FLRT3: variants seen among roughly 807,000 people sequenced by gnomAD.
The protein encoded by FLRT3 is fibronectin leucine rich transmembrane protein 3, also known as leucine-rich repeat transmembrane protein FLRT3.
FLRT3 carries 17 observed loss-of-function variants against 42.6 expected under a neutral mutation model. That is an observed-to-expected ratio of 0.40 (90% confidence interval 0.27 to 0.60). The LOEUF is 0.60. Among genes scored for constraint, FLRT3 ranks in the 20% least tolerant of loss-of-function variants. The pLI is 0.44. For synonymous variants in FLRT3, 279 were observed against 286.4 expected, an observed-to-expected ratio of 0.97 and a Z score of 0.26; for missense variants, 635 against 789.2, an observed-to-expected ratio of 0.80 and a Z score of 2.34.
Position 14,326,775 on chromosome 20 carries a change from A to T in FLRT3, c.732T>A (p.Leu244=), listed in dbSNP as rs201766195. Residue 244 remains leucine, a synonymous_variant, in exon 3 of 3, where the codon CTT becomes CTA. Transcript: ENST00000341420. The surrounding 1 kb of genome is among the most constrained non-coding windows in gnomAD (Gnocchi z 5.5). The part of the protein sequence containing the change: ...RNSLTAAPVN[L]PGTNLRKLYL... ...AAAGCTTCCTCAGGTTTGTGCCTGG[A>T]AGGTTTACTGGTGCAGCAGTCAGGG... 5.6e-6 allele frequency: 9 copies of T among 1,613,786 alleles called. No individual in the cohort carries two copies. In the East Asian group the frequency reaches 2.0e-4, roughly 36 times the overall value.
rs748518747 is a variant in FLRT3, at chr20:14,326,544, T to C, written c.963A>G (p.Gln321=). ...GCACGTTGACCTTCACAGGTAGTGA[T>C]TGTAACCAGTCACGTACCCATTTCA... ...CKMKWVRDWL[Q]SLPVKVNVRG... Residue 321 remains glutamine, a synonymous_variant, in exon 3 of 3, where the codon CAA becomes CAG. Transcript: ENST00000341420. The surrounding 1 kb of genome is among the most constrained non-coding windows in gnomAD (Gnocchi z 5.5). The C allele has an allele frequency of 8.1e-6, 13 of 1,613,804 alleles. No individual in the cohort carries two copies. The highest frequency in any genetic ancestry group is 7.7e-5 in the South Asian group (7 of 91,088).
At chr20:14,334,617 C>T (rs1339003356) in intron 1 of FLRT3, among the ~76,000 whole-genome samples, 1 of 148,736 alleles carries the variant, frequency 6.7e-6, no homozygotes, top group Non-Finnish European at 1.5e-5. Context: ...ACAACAAAGC[C>T]TCCCGTTGAG....
chr20:14,334,795 CT>C (rs11087087), intron 1 of FLRT3, among the ~76,000 whole-genome samples: 64,602 of 148,596 alleles, frequency 0.43, 14,856 homozygotes, highest in Non-Finnish European at 0.53. Context: ...ATTTCTAATG[CT>C]TTTTTTTTTT....
chr20:14,329,062 C>T (rs1414632357), intron 2 of FLRT3, 72 bp downstream of exon 2: 4 of 151,954 alleles, frequency 2.6e-5, no homozygotes, highest in South Asian at 2.1e-4. Flanking sequence ...CAGTTACCCC[C>T]TACCTTTATT....
At chr20:14,332,245 T>G (rs1326495166) in intron 1 of FLRT3, among the ~76,000 whole-genome samples, 1 of 152,124 alleles carries the variant, frequency 6.6e-6, no homozygotes, top group African/African-American at 2.4e-5. Context: ...GTCTGAAAGC[T>G]TCCAATTTAT....
chr20:14,330,839 G>T (rs2122605920), intron 1 of FLRT3, among the ~76,000 whole-genome samples: 1 of 152,108 alleles, frequency 6.6e-6, no homozygotes, highest in South Asian at 2.1e-4. Context: ...TTCTCAGTGT[G>T]TGAAAATGGA....
At chr20:14,335,494 A>G (rs2082919923) in intron 1 of FLRT3, among the ~76,000 whole-genome samples, 1 of 152,182 alleles carries the variant, frequency 6.6e-6, no homozygotes, top group African/African-American at 2.4e-5. Context: ...TTGCTGCCAC[A>G]TTTAGTTATG....
intron 1 of FLRT3, among the ~76,000 whole-genome samples, chr20:14,334,782 G>A (rs1295861949): frequency 7.1e-6 from 1 of 141,792 alleles, no homozygotes; most frequent in African/African-American, 2.6e-5. Context: ...GATTTAAACA[G>A]TTATTTCTAA....
In FLRT3 at chr20:14,326,806, C is replaced by T. The variant is rs751955471; in HGVS notation, c.701G>A (p.Arg234Gln). 1.3e-5 allele frequency: 21 copies of T among 1,613,616 alleles called. No homozygotes were observed. The highest frequency in any genetic ancestry group is 1.7e-5 in the Admixed American group (1 of 59,928). ...LVNLTELSLV[R>Q]NSLTAAPVNL... ...TACTGGTGCAGCAGTCAGGGAATTC[C>T]GCACCAGGGACAGCTCTGTCAAATT... is the stretch of plus-strand genomic sequence containing the variant. The change falls in exon 3 of 3, where the codon CGG (arginine) becomes CAG (glutamine). Residue 234 changes from arginine to glutamine, a missense_variant. Arg to Gln is a conservative substitution (Grantham distance 43). Coordinates refer to ENST00000341420, the MANE Select transcript of FLRT3 (RefSeq NM_198391.3). This position sits in a 1 kb window ranked among gnomAD's most constrained non-coding sequence, Gnocchi z 5.5.
At chr20:14,330,865 A>T (rs1397150991) in intron 1 of FLRT3, among the ~76,000 whole-genome samples, 1 of 152,136 alleles carries the variant, frequency 6.6e-6, no homozygotes, top group Non-Finnish European at 1.5e-5. Context: ...AAGCTGCTGA[A>T]ATTATAATTA....
At chr20:14,327,912 C>T (rs2122586696) in intron 2 of FLRT3, among the ~76,000 whole-genome samples, 1 of 152,074 alleles carries the variant, frequency 6.6e-6, no homozygotes, top group Non-Finnish European at 1.5e-5. Context: ...ATATCCATTT[C>T]TTACTTAATA....
At chr20:14,337,377 A>AT (rs73619829) in intron 1 of FLRT3, 27 bp downstream of exon 1, 59,351 of 344,790 alleles carry the variant, frequency 0.17, 6,347 homozygotes, top group South Asian at 0.26. Context: ...TGGGACAATC[A>AT]TAAGAAAAAA....
At chr20:14,330,101 C>G (rs1463431292) in intron 1 of FLRT3, among the ~76,000 whole-genome samples, 6 of 151,962 alleles carry the variant, frequency 3.9e-5, no homozygotes, top group Non-Finnish European at 7.4e-5. Context: ...CTTGTAGTGA[C>G]CATTAGGAAA....
Position 14,323,709 on chromosome 20 carries a change from G to A in FLRT3, c.*1848C>T, listed in dbSNP as rs1280986173. ...ATGAAAATATATCACTTTGAAGATTGCAAGGATTTTAGGAGTTGTATGCCA... is the reference window on the plus strand; with the variant it reads ...ATGAAAATATATCACTTTGAAGATTACAAGGATTTTAGGAGTTGTATGCCA... On this transcript the variant is annotated 3_prime_UTR_variant, in exon 3 of 3. Coordinates refer to ENST00000341420, the MANE Select transcript of FLRT3 (RefSeq NM_198391.3). The A allele has an allele frequency of 6.6e-6, 1 of 152,100 alleles. No homozygotes were observed. The highest frequency in any genetic ancestry group is 1.5e-5 in the Non-Finnish European group (1 of 68,018). 9.4% of individuals were successfully genotyped at this position (152,100 alleles called of 1,614,324 possible).
At chr20:14,328,092 C>T (rs1230836225) in intron 2 of FLRT3, among the ~76,000 whole-genome samples, 1 of 152,050 alleles carries the variant, frequency 6.6e-6, no homozygotes, top group African/African-American at 2.4e-5. Context: ...GGAATAGTTA[C>T]ACACATCTTG....
In FLRT3 at chr20:14,337,451, T is replaced by C. The variant is rs1167066432; in HGVS notation, c.-294A>G. On this transcript the variant is annotated 5_prime_UTR_variant, in exon 1 of 3. Coordinates refer to ENST00000341420, the MANE Select transcript of FLRT3 (RefSeq NM_198391.3). ...CCTATATACACTGCCGCTATAGCTG[T>C]AATTCCATTGACAGTGAATTGGAGT... 1 of 394,828 alleles carries C rather than the reference T, an allele frequency of 2.5e-6. No homozygotes were observed. The highest frequency in any genetic ancestry group is 4.5e-6 in the Non-Finnish European group (1 of 224,098). The allele number at this position is 394,828 out of a possible 1,614,324, so 24.5% of individuals were successfully genotyped here.
In FLRT3 at chr20:14,323,910, C is replaced by G. The variant is rs776808624; in HGVS notation, c.*1647G>C. ...TGAAACCATTTCTTAAATTTTCCAT[C>G]TATACAGTGTATAAGTAAGAGGAAA... On this transcript the variant is annotated 3_prime_UTR_variant, in exon 3 of 3. Coordinates refer to ENST00000341420, the MANE Select transcript of FLRT3 (RefSeq NM_198391.3). The G allele has an allele frequency of 2.0e-5, 3 of 152,154 alleles. No homozygotes were observed. The highest frequency in any genetic ancestry group is 4.4e-5 in the Non-Finnish European group (3 of 68,026). 9.4% of individuals were successfully genotyped at this position (152,154 alleles called of 1,614,324 possible).
At chr20:14,331,032 G>A (rs1240176227) in intron 1 of FLRT3, among the ~76,000 whole-genome samples, 1 of 152,040 alleles carries the variant, frequency 6.6e-6, no homozygotes, top group Non-Finnish European at 1.5e-5. Context: ...TAACAAGTGA[G>A]AACCTGCTTA....
In FLRT3 at chr20:14,323,869, TAA is replaced by T. The variant is rs915028759; in HGVS notation, c.*1686_*1687del. ...ATCAGGACAGTGGCAGCAGTGCGCC[TAA>T]GAGAGAAAGGCTTTGAAACCATTTC... On this transcript the variant is annotated 3_prime_UTR_variant, in exon 3 of 3. Coordinates refer to ENST00000341420, the MANE Select transcript of FLRT3 (RefSeq NM_198391.3). 3.3e-5 allele frequency: 5 copies of T among 152,184 alleles called. No individual in the cohort carries two copies. Among genetic ancestry groups the T allele is most frequent in the African/African-American group, 1.2e-4 (5 of 41,452 alleles). The allele number at this position is 152,184 out of a possible 1,614,324, so 9.4% of individuals were successfully genotyped here.
Sources: allele counts gnomAD v4.1 joint callset (sites outside exome capture counted in the v4.1 genomes callset), GRCh38; gene constraint gnomAD v4.1.1; non-coding constraint Gnocchi (gnomAD v3.1); transcripts MANE v1.5; gene names NCBI Gene and HGNC (gene_info 2026-07-23, HGNC 2026-07-21).